LMLN: variants seen among roughly 807,000 people sequenced by gnomAD.
The protein encoded by LMLN is leishmanolysin like peptidase, also known as leishmanolysin-like peptidase.
LMLN carries 70 observed loss-of-function variants against 92.3 expected under a neutral mutation model. The observed-to-expected ratio is 0.76, with a 90% CI of 0.63 to 0.92. The LOEUF (loss-of-function observed/expected upper bound fraction) is 0.92. LMLN is among the 40% of genes least tolerant of loss of function. The pLI, the probability that LMLN is intolerant of heterozygous loss-of-function variation, is 0.00. For missense variants in LMLN, 691 were observed against 814.6 expected, an observed-to-expected ratio of 0.85 and a Z score of 1.85; for synonymous variants, 308 against 296.2, an observed-to-expected ratio of 1.04 and a Z score of -0.41.
At chr3:197,988,870 C>T (rs151061192) in intron 8 of LMLN, among the ~76,000 whole-genome samples, 226 of 151,952 alleles carry the variant, frequency 1.5e-3, no homozygotes, top group African/African-American at 5.1e-3. Context: ...TTAGTAGAGA[C>T]GGAATTTCAC....
At chr3:198,024,132 C>T (rs902673131) in intron 13 of LMLN, among the ~76,000 whole-genome samples, 1 of 151,974 alleles carries the variant, frequency 6.6e-6, no homozygotes, top group African/African-American at 2.4e-5. Flanking sequence ...AGTTTTATTC[C>T]CTTGTGTCTG....
At chr3:197,998,720 TGTATG>T (rs1159353628) in intron 10 of LMLN, among the ~76,000 whole-genome samples, 1 of 152,188 alleles carries the variant, frequency 6.6e-6, no homozygotes, top group Admixed American at 6.5e-5. Context: ...TGATAGGAAT[TGTATG>T]GTGTGAATTA....
intron 13 of LMLN, among the ~76,000 whole-genome samples, chr3:198,024,104 C>G (rs549130788): frequency 2.0e-5 from 3 of 152,234 alleles, no homozygotes; most frequent in Admixed American, 2.0e-4. Flanking sequence ...TATATTTAAC[C>G]TAGAAAACGT....
chr3:198,017,630 TC>T (rs1434625664), intron 11 of LMLN, among the ~76,000 whole-genome samples: 1 of 152,034 alleles, frequency 6.6e-6, no homozygotes, highest in Non-Finnish European at 1.5e-5. Context: ...AAAATTTAGT[TC>T]CTCAGGGCCA....
chr3:198,032,887 T>C (rs1465791418), intron 14 of LMLN, among the ~76,000 whole-genome samples: 1 of 152,222 alleles, frequency 6.6e-6, no homozygotes. Flanking sequence ...AGAGGAATGC[T>C]GGCGTCTGTC....
At chr3:197,983,818 G>T in intron 6 of LMLN, 125 bp from the exon 7 acceptor site, 1 of 596,618 alleles carries the variant, frequency 1.7e-6, no homozygotes, top group Admixed American at 2.9e-5. Context: ...GATAGTGATG[G>T]TACAAAATTG....
chr3:197,990,770 T>C, intron 9 of LMLN, 94 bp downstream of exon 9: 1 of 556,470 alleles, frequency 1.8e-6, no homozygotes. Context: ...TAAGAACTTA[T>C]AATTAGAGCC....
At chr3:197,985,198 T>C (rs1196854297) in intron 7 of LMLN, among the ~76,000 whole-genome samples, 2 of 152,164 alleles carry the variant, frequency 1.3e-5, no homozygotes, top group Non-Finnish European at 2.9e-5. Flanking sequence ...CCAGCTTCCA[T>C]CTTTTCAGCT....
chr3:198,029,627 C>T (rs933957915), intron 14 of LMLN, among the ~76,000 whole-genome samples: 3 of 151,940 alleles, frequency 2.0e-5, no homozygotes, highest in Admixed American at 1.3e-4. Flanking sequence ...GAGCCAAGAT[C>T]GCACCACTGC....
chr3:198,030,331 A>AT (rs1448438073), intron 14 of LMLN, among the ~76,000 whole-genome samples: 1 of 152,128 alleles, frequency 6.6e-6, no homozygotes, highest in East Asian at 1.9e-4. Context: ...ATAAATACGT[A>AT]TTCACTGTTT....
chr3:198,009,352 CAT>C (rs1280123699), intron 11 of LMLN, among the ~76,000 whole-genome samples: 1 of 152,144 alleles, frequency 6.6e-6, no homozygotes, highest in Non-Finnish European at 1.5e-5. Context: ...GTTATATTTT[CAT>C]AGAGTACTGA....
intron 9 of LMLN, among the ~76,000 whole-genome samples, chr3:197,994,974 G>A (rs1027312651): frequency 1.1e-4 from 17 of 152,324 alleles, no homozygotes; most frequent in African/African-American, 4.1e-4. Context: ...CAGCAGATGA[G>A]TGGGTAAAGA....
intron 11 of LMLN, among the ~76,000 whole-genome samples, chr3:198,007,151 T>C (rs1276726641): frequency 1.3e-5 from 2 of 152,228 alleles, no homozygotes; most frequent in Non-Finnish European, 1.5e-5. Context: ...TTTTGTCCTT[T>C]TAACAGGGGC....
intron 11 of LMLN, among the ~76,000 whole-genome samples, chr3:198,005,810 T>C (rs982797284): frequency 3.9e-5 from 6 of 152,084 alleles, no homozygotes; most frequent in Non-Finnish European, 5.9e-5. Flanking sequence ...AATTTTGTAA[T>C]TTTAATAGAG....
At chr3:198,030,701 A>T (rs1723053975) in intron 14 of LMLN, among the ~76,000 whole-genome samples, 1 of 151,638 alleles carries the variant, frequency 6.6e-6, no homozygotes, top group East Asian at 1.9e-4. Context: ...CTCATATTGG[A>T]TCCCCTCCTT....
At chr3:198,007,685 A>G (rs778642680) in intron 11 of LMLN, among the ~76,000 whole-genome samples, 2 of 152,108 alleles carry the variant, frequency 1.3e-5, no homozygotes, top group African/African-American at 2.4e-5. Flanking sequence ...ATTTCCATCT[A>G]CGTTTTACAA....
chr3:198,024,550 C>T (rs951412031), intron 13 of LMLN, 108 bp from the exon 15 acceptor site: 2 of 1,038,572 alleles, frequency 1.9e-6, no homozygotes, highest in Middle Eastern at 2.3e-4. Flanking sequence ...TTCCATGAAA[C>T]ATGTCTGATT....
chr3:198,032,839 G>C (rs527393299), intron 14 of LMLN, among the ~76,000 whole-genome samples: 1 of 152,316 alleles, frequency 6.6e-6, no homozygotes, highest in South Asian at 2.1e-4. Context: ...ATATCAGCTG[G>C]GTTCGGAACG....
At chr3:197,984,747 C>T (rs1159154524) in intron 7 of LMLN, among the ~76,000 whole-genome samples, 1 of 151,994 alleles carries the variant, frequency 6.6e-6, no homozygotes. Context: ...CTATATCCAG[C>T]CCTCTGCTGC....
Sources: allele counts gnomAD v4.1 joint callset (sites outside exome capture counted in the v4.1 genomes callset), GRCh38; gene constraint gnomAD v4.1.1; transcripts MANE v1.5; gene names NCBI Gene and HGNC (gene_info 2026-07-23, HGNC 2026-07-21).